JPH3: variants seen among roughly 807,000 people sequenced by gnomAD.
JPH3 encodes junctophilin 3, also known as junctophilin-3.
A neutral mutation model predicts 59.6 loss-of-function variants in JPH3; 11 were observed. The observed-to-expected ratio is 0.18, with a 90% confidence interval of 0.12 to 0.31. The LOEUF (loss-of-function observed/expected upper bound fraction) is 0.31, where lower values mean the gene tolerates loss of function less well. JPH3 is among the 10% of genes least tolerant of loss of function. JPH3 has a pLI of 1.00. For missense variants in JPH3, 1,202 were observed against 1,105.7 expected, an observed-to-expected ratio of 1.09 and a Z score of -1.24; for synonymous variants, 673 against 483.6, an observed-to-expected ratio of 1.39 and a Z score of -5.14.
intron 2 of JPH3, among the ~76,000 whole-genome samples, chr16:87,674,942 G>T (rs2033106968): frequency 6.6e-6 from 1 of 151,974 alleles, no homozygotes; most frequent in Non-Finnish European, 1.5e-5. Context: ...TGTATTTTTA[G>T]TAGAGATGGG....
chr16:87,653,253 T>C (rs1385440627), intron 2 of JPH3, among the ~76,000 whole-genome samples: 1 of 152,184 alleles, frequency 6.6e-6, no homozygotes, highest in Non-Finnish European at 1.5e-5. Flanking sequence ...GGCTTCCAGA[T>C]CCCTTTGTGT....
chr16:87,669,860 C>T (rs559282505), intron 2 of JPH3, among the ~76,000 whole-genome samples: 7 of 152,058 alleles, frequency 4.6e-5, no homozygotes, highest in African/African-American at 7.2e-5. Context: ...GTTAGGGGAC[C>T]GGAGGAGCAG....
chr16:87,667,195 C>G (rs2032891886), intron 2 of JPH3, among the ~76,000 whole-genome samples: 1 of 152,234 alleles, frequency 6.6e-6, no homozygotes, highest in Non-Finnish European at 1.5e-5. Flanking sequence ...TTAGCTCCCT[C>G]TGCCCCGTCC....
In JPH3 at chr16:87,676,020, G is replaced by A. The variant is rs971724778; in HGVS notation, c.1161-8122G>A. 3.9e-5 allele frequency among the ~76,000 whole-genome samples: 6 copies of A among 152,388 alleles called. 1 individual carries two copies. The South Asian group carries it at 1.2e-3, about 32-fold the overall frequency. Reference sequence around the variant, plus strand: ...AGGAGGGATGGGGAGGGCAGCTGATGGATATGGGGTTTCTGTCGCAGGCGA... The same window carrying A: ...AGGAGGGATGGGGAGGGCAGCTGATAGATATGGGGTTTCTGTCGCAGGCGA... On this transcript the variant is annotated intron_variant, in intron 2 of 4. Coordinates refer to ENST00000284262, the MANE Select transcript of JPH3 (RefSeq NM_020655.4).
At chr16:87,686,643 T>G (rs886124089) in intron 3 of JPH3, among the ~76,000 whole-genome samples, 1 of 138,968 alleles carries the variant, frequency 7.2e-6, no homozygotes, top group Non-Finnish European at 1.5e-5. Flanking sequence ...CAGTCCTGGA[T>G]TCAGAGGAGA....
intron 2 of JPH3, among the ~76,000 whole-genome samples, chr16:87,663,054 G>A (rs1210648117): frequency 2.0e-5 from 3 of 152,030 alleles, no homozygotes; most frequent in Admixed American, 6.5e-5. Context: ...AGGATAAGTC[G>A]GCAAGTTTTG....
intron 1 of JPH3, among the ~76,000 whole-genome samples, chr16:87,638,837 C>G (rs944119828): frequency 6.6e-6 from 1 of 152,198 alleles, no homozygotes; most frequent in Non-Finnish European, 1.5e-5. Flanking sequence ...CTTCCTGACC[C>G]CAGCCTGGCG....
intron 1 of JPH3, among the ~76,000 whole-genome samples, chr16:87,617,440 C>A (rs1041335231): frequency 6.6e-6 from 1 of 152,056 alleles, no homozygotes; most frequent in Admixed American, 6.5e-5. Context: ...CGCTTTCCCC[C>A]AGTGGATGCC....
At chr16:87,647,243 C>A (rs546757498) in intron 2 of JPH3, among the ~76,000 whole-genome samples, 1 of 149,130 alleles carries the variant, frequency 6.7e-6, no homozygotes, top group Non-Finnish European at 1.5e-5. Flanking sequence ...ACCTGAGACC[C>A]ATGCAAAGGA....
rs150628659 is a variant in JPH3 at position 87,644,862 on chromosome 16, G to T, written c.987G>T (p.Pro329=). 2 of 1,613,316 alleles carry T rather than the reference G, an allele frequency of 1.2e-6. No homozygotes were observed. Among genetic ancestry groups the T allele is most frequent in the South Asian group, 1.1e-5 (1 of 91,080 alleles). The change falls in exon 2 of 5, where the codon CCG becomes CCT. Residue 329 remains proline (P), a synonymous_variant. Transcript: ENST00000284262. ...RRHGYGCMTF[P]DGTKEEGKYK... ...ATGGCTACGGCTGCATGACCTTCCC[G>T]GACGGCACCAAGGAGGAGGGCAAGT... is the stretch of plus-strand genomic sequence containing the variant.
chr16:87,650,303 C>T (rs1252926336), intron 2 of JPH3, among the ~76,000 whole-genome samples: 1 of 152,214 alleles, frequency 6.6e-6, no homozygotes, highest in Non-Finnish European at 1.5e-5. Flanking sequence ...CCACACATCG[C>T]ACCCATATAA....
intron 2 of JPH3, among the ~76,000 whole-genome samples, chr16:87,667,697 G>A (rs1333111982): frequency 2.0e-5 from 3 of 152,188 alleles, no homozygotes; most frequent in South Asian, 2.1e-4. Flanking sequence ...CTGGCCTCCC[G>A]GAGCTTCCCC....
chr16:87,678,395 C>T lies in JPH3; in HGVS notation c.1161-5747C>T, dbSNP rs111898362. 2.1e-3 allele frequency among the ~76,000 whole-genome samples: 322 copies of T among 152,152 alleles called. 1 individual carries two copies. Among genetic ancestry groups the T allele is most frequent in the African/African-American group, 7.0e-3 (289 of 41,506 alleles). ...CTCTACTAAAAGTAGAAAAATTAGC[C>T]GGGCTTGGTGGCACATACCTGTAGT... On this transcript the variant is annotated intron_variant, in intron 2 of 4. Transcript: ENST00000284262.
At chr16:87,643,641 C>T (rs1257017755) in intron 1 of JPH3, among the ~76,000 whole-genome samples, 2 of 152,192 alleles carry the variant, frequency 1.3e-5, no homozygotes, top group African/African-American at 4.8e-5. Context: ...TTGGCAGGGG[C>T]TCCGTATTCA....
chr16:87,689,891 C>A lies in JPH3; in HGVS notation c.1531C>A (p.Arg511=), dbSNP rs1052306184. Residue 511 remains arginine (R), a synonymous_variant, in exon 4 of 5, where the codon CGG becomes AGG. Transcript: ENST00000284262. The stretch of plus-strand genomic sequence containing the variant: ...GAGGCAGGTGTCGGTGGACGAGGAG[C>A]GGGGCGGGGACATCCAGATGCTCCT... ...FSRQVSVDEE[R]GGDIQMLLEG... The A allele has an allele frequency of 6.8e-7, 1 of 1,477,214 alleles. No homozygotes were observed. The highest frequency in any genetic ancestry group is 9.0e-7 in the Non-Finnish European group (1 of 1,113,980). 91.5% of individuals were successfully genotyped at this position (1,477,214 alleles called of 1,614,324 possible).
intron 2 of JPH3, among the ~76,000 whole-genome samples, chr16:87,656,020 G>C (rs961459742): frequency 6.6e-6 from 1 of 152,344 alleles, no homozygotes; most frequent in South Asian, 2.1e-4. Context: ...GTGGAGCCTC[G>C]ATAGTGGGTC....
In JPH3 at chr16:87,653,041, G is replaced by T. The variant is rs143104326; in HGVS notation, c.1160+8006G>T. Among the ~76,000 whole-genome samples the T allele has an allele frequency of 5.1e-3, 776 of 152,188 alleles. 4 individuals carry two copies. Among genetic ancestry groups the T allele is most frequent in the African/African-American group, 0.018 (749 of 41,476 alleles). On this transcript the variant is annotated intron_variant, in intron 2 of 4. Coordinates refer to ENST00000284262, the MANE Select transcript of JPH3 (RefSeq NM_020655.4). ...GGGCCTGGTTGCTGAGGAGGGCAGT[G>T]CGTGGTCTCCAAGCCAGTCAGTGCC...
intron 1 of JPH3, among the ~76,000 whole-genome samples, chr16:87,634,315 A>G (rs542302198): frequency 1.3e-5 from 2 of 152,238 alleles, no homozygotes; most frequent in Admixed American, 1.3e-4. Context: ...GAGAGTGGGT[A>G]TAGGGGACAG....
intron 2 of JPH3, among the ~76,000 whole-genome samples, chr16:87,647,149 G>GT (rs1454268779): frequency 6.6e-6 from 1 of 152,108 alleles, no homozygotes; most frequent in African/African-American, 2.4e-5. Flanking sequence ...CAGGGGCTCT[G>GT]TGGAGCATTG....
Sources: gnomAD v4.1 joint callset for allele counts (sites outside exome capture counted in the v4.1 genomes callset) on GRCh38, gnomAD v4.1.1 for gene constraint, MANE v1.5 for transcripts, NCBI Gene and HGNC (gene_info 2026-07-23, HGNC 2026-07-21) for gene names.